The following PCDH15 variants were observed in gnomAD, a reference collection of about 807,000 sequenced individuals.
PCDH15 encodes protocadherin-15.
PCDH15 carries 129 observed loss-of-function variants against 178.5 expected under a neutral mutation model. The observed-to-expected ratio is 0.72, with a 90% CI of 0.63 to 0.84. PCDH15 has a LOEUF of 0.84. PCDH15 is among the 40% of genes least tolerant of loss of function. The pLI, the probability that PCDH15 is intolerant of heterozygous loss-of-function variation, is 0.00. For missense variants in PCDH15, 2,230 were observed against 2,099.9 expected (o/e 1.06, Z -1.21); for synonymous variants, 800 against 732.0 (o/e 1.09, Z -1.50).
In PCDH15 at chr10:53,803,654, G is replaced by A. The variant is rs1432880722; in HGVS notation, c.*2925C>T. ...AATGAGAAAGACAAATTGAGAGAGG[G>A]AGATTAACACCTGTGATTCGATGGT... On this transcript the variant is annotated 3_prime_UTR_variant, in exon 38 of 38. Transcript: ENST00000644397. 6.6e-6 allele frequency: 1 copy of A among 151,950 alleles called. No individual in the cohort carries two copies. Among genetic ancestry groups the A allele is most frequent in the African/African-American group, 2.4e-5 (1 of 41,424 alleles). The allele number at this position is 151,950 out of a possible 1,614,324, so 9.4% of individuals were successfully genotyped here.
chr10:54,573,626 G>A (rs566030650), intron 2 of PCDH15, among the ~76,000 whole-genome samples: 14 of 152,220 alleles, frequency 9.2e-5, no homozygotes, highest in African/African-American at 2.4e-4. Context: ...AATACACTGC[G>A]AACAATTTTA....
intron 26 of PCDH15, among the ~76,000 whole-genome samples, chr10:53,884,684 C>A (rs1478849641): frequency 6.6e-6 from 1 of 152,108 alleles, no homozygotes; most frequent in African/African-American, 2.4e-5. Flanking sequence ...AGACAAGCAG[C>A]TTTATCTCTA....
intron 2 of PCDH15, among the ~76,000 whole-genome samples, chr10:55,514,260 G>A (rs530278287): frequency 9.2e-5 from 14 of 152,156 alleles, no homozygotes; most frequent in African/African-American, 1.2e-4. Context: ...AGATTGAAGC[G>A]TGCATTTTTG....
At chr10:55,493,820 A>G (rs1361233206) in intron 2 of PCDH15, among the ~76,000 whole-genome samples, 2 of 151,920 alleles carry the variant, frequency 1.3e-5, no homozygotes, top group Admixed American at 6.6e-5. Context: ...TCAAATCCAA[A>G]TAAGAAGCAA....
At chr10:54,935,987 A>G (rs1016755128) in intron 2 of PCDH15, among the ~76,000 whole-genome samples, 1 of 152,082 alleles carries the variant, frequency 6.6e-6, no homozygotes, top group Non-Finnish European at 1.5e-5. Flanking sequence ...ATAAATTCTC[A>G]TAACATTTTA....
chr10:55,377,484 A>C (rs1837426066), intron 2 of PCDH15, among the ~76,000 whole-genome samples: 1 of 151,922 alleles, frequency 6.6e-6, no homozygotes, highest in Non-Finnish European at 1.5e-5. Flanking sequence ...GCTTACTTAT[A>C]TTTAATTACT....
At chr10:55,307,112 T>G (rs1258876975) in intron 1 of PCDH15, among the ~76,000 whole-genome samples, 5 of 152,002 alleles carry the variant, frequency 3.3e-5, no homozygotes, top group African/African-American at 1.2e-4. Flanking sequence ...AATATGTATT[T>G]TATATATAAC....
chr10:54,825,377 G>C (rs1481570372), intron 3 of PCDH15, among the ~76,000 whole-genome samples: 2 of 146,688 alleles, frequency 1.4e-5, no homozygotes, highest in South Asian at 4.4e-4. Context: ...ATAGTCCTTT[G>C]GGTATATACC....
At chr10:55,283,667 T>C (rs1017350905) in intron 1 of PCDH15, among the ~76,000 whole-genome samples, 24 of 151,074 alleles carry the variant, frequency 1.6e-4, no homozygotes, top group African/African-American at 5.1e-4. Context: ...GCTTTGTGCA[T>C]CCTAGATGCT....
intron 2 of PCDH15, among the ~76,000 whole-genome samples, chr10:54,995,855 T>C (rs1478904329): frequency 6.6e-6 from 1 of 151,982 alleles, no homozygotes; most frequent in Non-Finnish European, 1.5e-5. Flanking sequence ...AAACTCCTCT[T>C]CCTTACATCT....
intron 2 of PCDH15, among the ~76,000 whole-genome samples, chr10:55,556,479 C>G (rs188163825): frequency 6.6e-6 from 1 of 152,014 alleles, no homozygotes; most frequent in African/African-American, 2.4e-5. Flanking sequence ...TGCTTTTCCC[C>G]AAAACTTGCA....
chr10:54,282,957 A>G (rs2058792146), intron 8 of PCDH15, among the ~76,000 whole-genome samples: 1 of 152,152 alleles, frequency 6.6e-6, no homozygotes, highest in South Asian at 2.1e-4. Context: ...ACAATTTGAA[A>G]AAATAGTTGA....
intron 2 of PCDH15, among the ~76,000 whole-genome samples, chr10:54,920,431 T>G (rs898813911): frequency 8.2e-6 from 1 of 122,626 alleles, no homozygotes; most frequent in Non-Finnish European, 1.6e-5. Flanking sequence ...ATCGCGCCAC[T>G]GCACTCCAGC....
chr10:53,953,906 C>T (rs2134210169), intron 23 of PCDH15, among the ~76,000 whole-genome samples: 2 of 152,300 alleles, frequency 1.3e-5, no homozygotes, highest in South Asian at 4.1e-4. Context: ...TCTTCTGCCT[C>T]AGCCTCATGA....
intron 3 of PCDH15, among the ~76,000 whole-genome samples, chr10:54,850,583 G>A (rs766447419): frequency 6.6e-6 from 1 of 151,970 alleles, no homozygotes; most frequent in East Asian, 1.9e-4. Flanking sequence ...TAATATTTGG[G>A]AATGTTTGTT....
chr10:54,866,811 T>C (rs886119223), intron 3 of PCDH15, among the ~76,000 whole-genome samples: 5 of 152,096 alleles, frequency 3.3e-5, no homozygotes, highest in African/African-American at 1.2e-4. Context: ...ATTAACAACT[T>C]GGCATCTGTA....
At chr10:54,920,339 G>A (rs936803063) in intron 2 of PCDH15, among the ~76,000 whole-genome samples, 27 of 151,784 alleles carry the variant, frequency 1.8e-4, no homozygotes, top group African/African-American at 5.8e-4. Flanking sequence ...GCATGGTGGC[G>A]GGCACCTGTA....
chr10:54,490,563 A>C (rs2079504447), intron 3 of PCDH15, among the ~76,000 whole-genome samples: 1 of 152,058 alleles, frequency 6.6e-6, no homozygotes, highest in Admixed American at 6.6e-5. Flanking sequence ...TATGTCCTCA[A>C]GTTTATGTTG....
chr10:54,588,811 C>G (rs912575280), intron 2 of PCDH15, among the ~76,000 whole-genome samples: 3 of 152,194 alleles, frequency 2.0e-5, no homozygotes, highest in Admixed American at 6.6e-5. Context: ...TGGGCTCAAG[C>G]GATTCTCCCA....
Sources: allele counts gnomAD v4.1 joint callset (sites outside exome capture counted in the v4.1 genomes callset), GRCh38; gene constraint gnomAD v4.1.1; transcripts MANE v1.5; gene names NCBI Gene and HGNC (gene_info 2026-07-23, HGNC 2026-07-21).